The following DDX56 variants were observed in gnomAD, a reference collection of about 807,000 sequenced individuals.
DDX56 encodes probable ATP-dependent RNA helicase DDX56.
DDX56 carries 45 observed loss-of-function variants against 61.5 expected under a neutral mutation model. The observed-to-expected ratio is 0.73, with a 90% CI of 0.58 to 0.94. The LOEUF is 0.94. Among genes scored for constraint, DDX56 ranks in the 40% least tolerant of loss-of-function variants. The pLI is 0.00. For missense variants in DDX56, 708 were observed against 690.7 expected, an observed-to-expected ratio of 1.02 and a Z score of -0.28; for synonymous variants, 273 against 268.3, an observed-to-expected ratio of 1.02 and a Z score of -0.17.
In DDX56 at chr7:44,573,681, G is replaced by A; in HGVS notation, c.124C>T (p.Leu42=). The A allele has an allele frequency of 6.2e-7, 1 of 1,613,794 alleles. No homozygotes were observed. The highest frequency in any genetic ancestry group is 8.5e-7 in the Non-Finnish European group (1 of 1,180,038). The change falls in exon 2 of 14, where the codon CTA becomes TTA. Residue 42 remains leucine, a synonymous_variant. Transcript: ENST00000258772. The part of the protein sequence containing the change: ...LIQEKAIPLA[L]EGKDLLARAR... ...CGAGCCAGGAGGTCCTTCCCTTCTA[G>A]GGCCAGTGGGATGGCCTTCTCCTGG...
intron 9 of DDX56, 49 bp downstream of exon 9, chr7:44,569,760 G>A (rs369972930): frequency 2.1e-5 from 31 of 1,482,752 alleles, no homozygotes; most frequent in African/African-American, 2.8e-5. Flanking sequence ...TTAAAGCATT[G>A]TGGAAGAAGC....
Position 44,573,018 on chromosome 7 carries a change from G to C in DDX56, c.255C>G (p.Gly85=). The C allele has an allele frequency of 6.2e-7, 1 of 1,600,976 alleles. No individual in the cohort carries two copies. Among genetic ancestry groups the C allele is most frequent in the Non-Finnish European group, 8.5e-7 (1 of 1,174,726 alleles). ...GCTCCTTGGTAGGAACAAGAACAAG[G>C]CCTCTCACTGCCTGTTCTACCACCG... The part of the protein sequence containing the change: ...TGPVVEQAVR[G]LVLVPTKELA... The change falls in exon 3 of 14, where the codon GGC becomes GGG. Residue 85 remains glycine, a synonymous_variant. Transcript: ENST00000258772.
rs748585109 is a variant in DDX56, at chr7:44,571,475, T to C, written c.890+17A>G. On this transcript the variant is annotated intron_variant, in intron 6 of 13. Transcript: ENST00000258772. ...TATCTTCAACTTATTTCAACCAAGA[T>C]GTTGGCTGTGGCAGACCTGGAGCGC... is the stretch of plus-strand genomic sequence containing the variant. 1.9e-6 allele frequency: 3 copies of C among 1,612,138 alleles called. No homozygotes were observed. The highest frequency in any genetic ancestry group is 2.2e-5 in the East Asian group (1 of 44,816).
intron 11 of DDX56, 22 bp from the exon 12 acceptor site, chr7:44,568,245 C>A: frequency 6.5e-7 from 1 of 1,542,102 alleles, no homozygotes. Context: ...AGAGGGAGAG[C>A]CACAGAGTGA....
At position 44,565,911 on chromosome 7, in the gene DDX56, G is replaced by T; in HGVS notation, c.*91C>A. 1 of 1,002,452 alleles carries T rather than the reference G, an allele frequency of 1.0e-6. No homozygotes were observed. Among genetic ancestry groups the T allele is most frequent in the Non-Finnish European group, 1.6e-6 (1 of 640,928 alleles). 62.1% of individuals were successfully genotyped at this position (1,002,452 alleles called of 1,614,324 possible). Reference sequence around the variant, plus strand: ...GCCGGCCCCAGAACTGTCTGTTCAGGCTGTGCAGTAAGCACCAGAGCCTCG... The same window carrying T: ...GCCGGCCCCAGAACTGTCTGTTCAGTCTGTGCAGTAAGCACCAGAGCCTCG... On this transcript the variant is annotated 3_prime_UTR_variant, in exon 14 of 14. Coordinates refer to ENST00000258772, the MANE Select transcript of DDX56 (RefSeq NM_019082.4).
At chr7:44,566,248 A>G in intron 13 of DDX56, 169 bp from the exon 14 acceptor site, 2 of 692,328 alleles carry the variant, frequency 2.9e-6, no homozygotes, top group East Asian at 5.4e-5. Context: ...GGGAAAGAAA[A>G]GCAGGGCCTG....
In DDX56 at chr7:44,573,675, C is replaced by A; in HGVS notation, c.130G>T (p.Gly44Trp). 1.9e-6 allele frequency: 3 copies of A among 1,613,832 alleles called. No individual in the cohort carries two copies. Among genetic ancestry groups the A allele is most frequent in the Non-Finnish European group, 2.5e-6 (3 of 1,180,046 alleles). Residue 44 changes from glycine (G) to tryptophan (W), a missense_variant, in exon 2 of 14, where the codon GGG (glycine) becomes TGG (tryptophan). Coordinates refer to ENST00000258772, the MANE Select transcript of DDX56 (RefSeq NM_019082.4). ...CGGGCCCGAGCCAGGAGGTCCTTCCCTTCTAGGGCCAGTGGGATGGCCTTC... is the reference window on the plus strand; with the variant it reads ...CGGGCCCGAGCCAGGAGGTCCTTCCATTCTAGGGCCAGTGGGATGGCCTTC... ...QEKAIPLALE[G>W]KDLLARARTG...
chr7:44,570,116 C>T lies in DDX56; in HGVS notation c.1023G>A (p.Pro341=), dbSNP rs746804425. ...CTATGCCCCGGGCCACACCTGCTTC[C>T]GGATCAGAGGCCCTGCAGAGATAAC... ...RGPKGDKASD[P]EAGVARGIDF... Residue 341 remains proline, a synonymous_variant, in exon 8 of 14, where the codon CCG becomes CCA. Coordinates refer to ENST00000258772, the MANE Select transcript of DDX56 (RefSeq NM_019082.4). 18 of 1,614,048 alleles carry T rather than the reference C, an allele frequency of 1.1e-5. No homozygotes were observed. The East Asian group carries it at 2.0e-4, about 18-fold the overall frequency.
rs1410307671 is a variant in DDX56 at position 44,573,573 on chromosome 7, C to T, written c.222+10G>A. The T allele has an allele frequency of 3.1e-6, 5 of 1,612,194 alleles. No homozygotes were observed. The highest frequency in any genetic ancestry group is 1.7e-5 in the Admixed American group (1 of 59,978). The stretch of plus-strand genomic sequence containing the variant: ...GCCTCCTTCCTCCCCTCAGCTCTCT[C>T]GTTACCCACCGCCTTCCTATGGAGC... On this transcript the variant is annotated intron_variant, in intron 2 of 13. Coordinates refer to ENST00000258772, the MANE Select transcript of DDX56 (RefSeq NM_019082.4).
intron 7 of DDX56, among the ~76,000 whole-genome samples, chr7:44,570,532 C>A (rs140300430): frequency 6.6e-5 from 10 of 152,372 alleles, no homozygotes; most frequent in African/African-American, 2.4e-4. Flanking sequence ...TGCATGCCAA[C>A]AACCCCGGCA....
At chr7:44,567,709 T>A in intron 12 of DDX56, 1 of 289,702 alleles carries the variant, frequency 3.5e-6, no homozygotes, top group South Asian at 3.1e-5. Context: ...ACTCCACAGA[T>A]GCCTCTTCAG....
At chr7:44,571,026 C>G in intron 6 of DDX56, 149 bp from the exon 7 acceptor site, 1 of 1,105,894 alleles carries the variant, frequency 9.0e-7, no homozygotes. Flanking sequence ...GTTTCCTCAG[C>G]TGGAAATAAT....
At position 44,573,897 on chromosome 7, in the gene DDX56, G is replaced by T; in HGVS notation, c.-2C>A. 6.2e-7 allele frequency: 1 copy of T among 1,613,062 alleles called. No homozygotes were observed. The highest frequency in any genetic ancestry group is 8.5e-7 in the Non-Finnish European group (1 of 1,179,938). On this transcript the variant is annotated 5_prime_UTR_variant, in exon 1 of 14. Transcript: ENST00000258772. ...GCCCAGTGCTTCAGAGTCCTCCATG[G>T]CGCTGCTCAGTAGCGCAGCACGCAC... is the stretch of plus-strand genomic sequence containing the variant.
chr7:44,573,689 G>A lies in DDX56; in HGVS notation c.116C>T (p.Pro39Leu), dbSNP rs759592324. ...GAGGTCCTTCCCTTCTAGGGCCAGT[G>A]GGATGGCCTTCTCCTGGATCAGCGT... ...RPTLIQEKAI[P>L]LALEGKDLLA... Residue 39 changes from proline to leucine, a missense_variant, in exon 2 of 14, where the codon CCA becomes CTA. Transcript: ENST00000258772. The A allele has an allele frequency of 8.1e-6, 13 of 1,613,666 alleles. No individual in the cohort carries two copies. Among genetic ancestry groups the A allele is most frequent in the African/African-American group, 1.3e-5 (1 of 74,948 alleles).
Position 44,572,941 on chromosome 7 carries a change from C to A in DDX56, c.332G>T (p.Arg111Leu), listed in dbSNP as rs759267727. Residue 111 changes from arginine to leucine, a missense_variant, in exon 3 of 14, where the codon CGG becomes CTG. Arg to Leu is a moderately radical substitution (Grantham distance 102, BLOSUM62 -2). Coordinates refer to ENST00000258772, the MANE Select transcript of DDX56 (RefSeq NM_019082.4). ...MIQQLATYCA[R>L]DVRVANVSAA... ...TGAGACATTGGCCACTCGGACATCC[C>A]GAGCACAGTAGGTAGCCAGCTGCTG... 2 of 1,611,630 alleles carry A rather than the reference C, an allele frequency of 1.2e-6. No homozygotes were observed. Among genetic ancestry groups the A allele is most frequent in the Non-Finnish European group, 1.7e-6 (2 of 1,178,650 alleles).
Position 44,571,694 on chromosome 7 carries a change from G to C in DDX56, c.688C>G (p.Gln230Glu), listed in dbSNP as rs766405612. The C allele has an allele frequency of 6.2e-7, 1 of 1,614,088 alleles. No homozygotes were observed. Among genetic ancestry groups the C allele is most frequent in the South Asian group, 1.1e-5 (1 of 91,084 alleles). Residue 230 changes from glutamine (Q) to glutamate (E), a missense_variant, in exon 6 of 14, where the codon CAG (glutamine) becomes GAG (glutamate). Gln to Glu is a conservative substitution (Grantham distance 29). Transcript: ENST00000258772. ...LQESQLPGPD[Q>E]LQQFQVVCET... ...CAGACCACCTGAAACTGCTGTAACT[G>C]GTCTGGCCCAGGCAGCTGGGACTCC...
chr7:44,572,887 C>T lies in DDX56; in HGVS notation c.383+3G>A, dbSNP rs1802713241. The T allele has an allele frequency of 2.5e-6, 4 of 1,586,370 alleles. No homozygotes were observed. The highest frequency in any genetic ancestry group is 3.4e-6 in the Non-Finnish European group (4 of 1,164,520). The stretch of plus-strand genomic sequence containing the variant: ...CAGGTACAGCTTTGCTGCTTTTACC[C>T]ACCTCTGAGAGACTGAGTCTTCAGC... On this transcript the variant is annotated splice_donor_region_variant and intron_variant, in intron 3 of 13. Coordinates refer to ENST00000258772, the MANE Select transcript of DDX56 (RefSeq NM_019082.4).
intron 5 of DDX56, among the ~76,000 whole-genome samples, 172 bp from the exon 6 acceptor site, chr7:44,571,908 A>G (rs1001757694): frequency 3.3e-5 from 5 of 152,186 alleles, no homozygotes; most frequent in Non-Finnish European, 5.9e-5. Flanking sequence ...AAATGCCCTT[A>G]TTGTTGTGGT....
At chr7:44,570,989 CTT>C in intron 6 of DDX56, 112 bp from the exon 7 acceptor site, 1 of 1,309,104 alleles carries the variant, frequency 7.6e-7, no homozygotes, top group Non-Finnish European at 1.0e-6. Context: ...TTCTTAATCT[CTT>C]TCCCTACTTA....
Sources: gnomAD v4.1 joint callset for allele counts (sites outside exome capture counted in the v4.1 genomes callset) on GRCh38, gnomAD v4.1.1 for gene constraint, MANE v1.5 for transcripts, NCBI Gene and HGNC (gene_info 2026-07-23, HGNC 2026-07-21) for gene names.